Variants in MYO10 observed in about 807,000 individuals in gnomAD.
MYO10 encodes the protein unconventional myosin-X.
A neutral mutation model predicts 257.3 loss-of-function variants in MYO10; 133 were observed. The observed-to-expected ratio is 0.52, with a 90% CI of 0.45 to 0.60. The LOEUF (loss-of-function observed/expected upper bound fraction) is 0.60. MYO10 is among the 20% of genes least tolerant of loss of function. The pLI is 0.00. For missense variants in MYO10, 2,399 were observed against 2,635.7 expected (o/e 0.91, Z 1.97); for synonymous variants, 1,104 against 1,028.6 (o/e 1.07, Z -1.40).
At chr5:16,827,555 G>A (rs1238792804) in intron 2 of MYO10, among the ~76,000 whole-genome samples, 1 of 152,144 alleles carries the variant, frequency 6.6e-6, no homozygotes, top group Non-Finnish European at 1.5e-5. Flanking sequence ...CCAAAGTGTT[G>A]GGATTACAGG....
chr5:16,830,679 G>GTACACACACACACACACTCA lies in MYO10; in HGVS notation c.121-12513_121-12512insTGAGTGTGTGTGTGTGTGTA, dbSNP rs1554000810. Among the ~76,000 whole-genome samples the GTACACACACACACACACTCA allele has an allele frequency of 3.4e-5, 5 of 148,920 alleles. No homozygotes were observed. The East Asian group carries it at 9.8e-4, about 29-fold the overall frequency. On this transcript the variant is annotated intron_variant, in intron 2 of 40. Transcript: ENST00000513610. ...AATCCTAACGTTATTTTTTTAATAG[G>GTACACACACACACACACTCA]CACACACACACACACACACACAGGG...
At chr5:16,783,964 C>CGAGT (rs1302015589) in intron 4 of MYO10, among the ~76,000 whole-genome samples, 1 of 152,200 alleles carries the variant, frequency 6.6e-6, no homozygotes, top group Non-Finnish European at 1.5e-5. Flanking sequence ...CACACTAACT[C>CGAGT]ATGTTATTCC....
intron 36 of MYO10, 123 bp downstream of exon 36, chr5:16,673,559 G>C (rs1242479595): frequency 4.2e-6 from 4 of 952,216 alleles, no homozygotes; most frequent in East Asian, 5.3e-5. Context: ...TTAGTATTGA[G>C]AGCTGTACTA....
chr5:16,684,809 G>A (rs1192351046), intron 29 of MYO10, among the ~76,000 whole-genome samples: 4 of 152,202 alleles, frequency 2.6e-5, no homozygotes, highest in Non-Finnish European at 5.9e-5. Context: ...CACTTTGGGA[G>A]GCTGAGGCAT....
intron 4 of MYO10, among the ~76,000 whole-genome samples, chr5:16,792,192 G>C (rs923815374): frequency 7.0e-6 from 1 of 142,832 alleles, no homozygotes; most frequent in African/African-American, 2.7e-5. Context: ...CAGAGACAGA[G>C]ACAGAATTCA....
rs981303363 is a variant in MYO10 at position 16,666,764 on chromosome 5, G to A, written c.6105C>T (p.Ala2035=). 6.2e-7 allele frequency: 1 copy of A among 1,607,122 alleles called. No homozygotes were observed. Among genetic ancestry groups the A allele is most frequent in the African/African-American group, 1.3e-5 (1 of 75,014 alleles). ...GCTTCTTCACGATCATGCTGATGTA[G>A]GCTTTCATGAGCTTGGCCACATCCA... ...EVVDVAKLMK[A]YISMIVKKRY... The change falls in exon 41 of 41, where the codon GCC becomes GCT. Residue 2035 remains alanine, a synonymous_variant. Coordinates refer to ENST00000513610, the MANE Select transcript of MYO10 (RefSeq NM_012334.3).
At chr5:16,783,666 C>A (rs944802282) in intron 4 of MYO10, among the ~76,000 whole-genome samples, 197 bp from the exon 5 acceptor site, 1 of 152,182 alleles carries the variant, frequency 6.6e-6, no homozygotes, top group Non-Finnish European at 1.5e-5. Flanking sequence ...TTGTGTCTGG[C>A]CTTACTCGCC....
At chr5:16,869,191 ATTTTTTTT>A (rs70943814) in intron 2 of MYO10, among the ~76,000 whole-genome samples, 1 of 115,882 alleles carries the variant, frequency 8.6e-6, no homozygotes, top group South Asian at 3.0e-4. Flanking sequence ...CACCCGGCTA[ATTTTTTTT>A]TTTTTTTTTT....
chr5:16,872,228 A>G (rs1744473197), intron 2 of MYO10, among the ~76,000 whole-genome samples: 1 of 152,212 alleles, frequency 6.6e-6, no homozygotes. Flanking sequence ...GCTTAGTTAG[A>G]ATAGGAATAA....
chr5:16,725,189 C>T lies in MYO10; in HGVS notation c.1930-13944G>A, dbSNP rs141195307. Reference sequence around the variant, plus strand: ...GCAACCTCAGCCTCCCGGGTTCAAGCGATTCTCCTGCCTTAGTCTCCTGAG... The same window carrying T: ...GCAACCTCAGCCTCCCGGGTTCAAGTGATTCTCCTGCCTTAGTCTCCTGAG... On this transcript the variant is annotated intron_variant, in intron 19 of 40. Transcript: ENST00000513610. Among the ~76,000 whole-genome samples the T allele has an allele frequency of 7.0e-3, 1,026 of 146,394 alleles. 3 individuals are homozygous for T. Among genetic ancestry groups the T allele is most frequent in the South Asian group, 0.013 (60 of 4,580 alleles).
intron 1 of MYO10, among the ~76,000 whole-genome samples, chr5:16,929,409 T>C (rs1367900197): frequency 6.6e-6 from 1 of 152,062 alleles, no homozygotes; most frequent in Non-Finnish European, 1.5e-5. Context: ...TCAGAGAGCC[T>C]AGAGAAGATG....
intron 30 of MYO10, 62 bp downstream of exon 30, chr5:16,683,818 A>G (rs1244027706): frequency 1.3e-6 from 2 of 1,531,768 alleles, no homozygotes; most frequent in African/African-American, 2.7e-5. Flanking sequence ...CCAGCAGCAC[A>G]GACACCTGTG....
At chr5:16,775,543 C>A (rs889949650) in intron 9 of MYO10, among the ~76,000 whole-genome samples, 2 of 152,170 alleles carry the variant, frequency 1.3e-5, no homozygotes, top group Non-Finnish European at 2.9e-5. Flanking sequence ...AATCCTCACA[C>A]CTCCAAGGTA....
In MYO10 at chr5:16,748,625, G is replaced by A. The variant is rs11951017; in HGVS notation, c.1929+6203C>T. Among the ~76,000 whole-genome samples the A allele has an allele frequency of 5.3e-3, 505 of 95,458 alleles. 1 individual carries two copies. Among genetic ancestry groups the A allele is most frequent in the African/African-American group, 0.021 (355 of 16,616 alleles). 62.6% of individuals were successfully genotyped at this position (95,458 alleles called of 152,430 possible). A position where few individuals can be genotyped will look rare whatever the true frequency, so the allele number is the denominator to read the frequency against. ...GAAAAAGAGGGAGAGAGGGAGAGAG[G>A]GAGGGAGGGAGGGAGGGAGAAATAG... is the stretch of plus-strand genomic sequence containing the variant. On this transcript the variant is annotated intron_variant, in intron 19 of 40. Transcript: ENST00000513610.
intron 9 of MYO10, among the ~76,000 whole-genome samples, chr5:16,778,688 GTTTTT>G (rs55880979): frequency 1.1e-3 from 123 of 107,530 alleles, no homozygotes; most frequent in Middle Eastern, 9.4e-3. Context: ...CTTTGCTGAG[GTTTTT>G]TTTTTTTTTT....
At chr5:16,845,602 T>C (rs949978643) in intron 2 of MYO10, among the ~76,000 whole-genome samples, 21 of 152,112 alleles carry the variant, frequency 1.4e-4, no homozygotes, top group African/African-American at 4.6e-4. Context: ...GGAGCTCTCA[T>C]GGCACCACTG....
intron 2 of MYO10, among the ~76,000 whole-genome samples, chr5:16,832,983 C>T (rs1407586033): frequency 2.0e-5 from 3 of 151,994 alleles, no homozygotes; most frequent in Non-Finnish European, 4.4e-5. Flanking sequence ...ATCTAGAATC[C>T]ACCTTCTCTC....
intron 2 of MYO10, among the ~76,000 whole-genome samples, chr5:16,841,871 G>C (rs1743491892): frequency 6.6e-6 from 1 of 152,076 alleles, no homozygotes; most frequent in Non-Finnish European, 1.5e-5. Context: ...CGAGGGCTTG[G>C]AGTTTTTCTG....
chr5:16,893,196 CAA>C (rs59761183), intron 1 of MYO10, among the ~76,000 whole-genome samples: 15 of 69,608 alleles, frequency 2.2e-4, no homozygotes, highest in Non-Finnish European at 3.5e-4. Flanking sequence ...GACTCTGTCT[CAA>C]AAAAAAAAAA....
Sources: allele counts gnomAD v4.1 joint callset (sites outside exome capture counted in the v4.1 genomes callset), GRCh38; gene constraint gnomAD v4.1.1; transcripts MANE v1.5; gene names NCBI Gene and HGNC (gene_info 2026-07-23, HGNC 2026-07-21).